PTPRM: variants seen among roughly 807,000 people sequenced by gnomAD.
PTPRM encodes the protein receptor-type tyrosine-protein phosphatase mu.
Under a neutral mutation model 186.7 loss-of-function variants are expected in PTPRM, and 47 were observed. The ratio of observed to expected loss-of-function variants is 0.25; its 90% CI spans 0.20 to 0.32. PTPRM has a LOEUF of 0.32. PTPRM is among the 10% of genes least tolerant of loss of function. The pLI is 1.00. For synonymous variants in PTPRM, 668 were observed against 674.9 expected (o/e 0.99, Z 0.16); for missense variants, 1,494 against 1,865.0 (o/e 0.80, Z 3.66).
chr18:8,147,257 A>G (rs925610917), intron 14 of PTPRM, among the ~76,000 whole-genome samples: 15 of 152,278 alleles, frequency 9.9e-5, no homozygotes, highest in Admixed American at 9.2e-4. Context: ...CATTTTCACA[A>G]TCTTAATTCT....
At chr18:8,117,638 G>A (rs1157286787) in intron 13 of PTPRM, among the ~76,000 whole-genome samples, 4 of 152,076 alleles carry the variant, frequency 2.6e-5, no homozygotes, top group Admixed American at 6.6e-5. Context: ...CTCCATACGT[G>A]TGGGGGATTG....
In PTPRM at chr18:8,394,506, C is replaced by T. The variant is rs377577785; in HGVS notation, c.4239C>T (p.Cys1413=). 5.6e-6 allele frequency: 9 copies of T among 1,613,170 alleles called. No individual in the cohort carries two copies. The highest frequency in any genetic ancestry group is 2.2e-5 in the East Asian group (1 of 44,832). ...GGGGAGGCCGCAGTGGGACGTTCTG[C>T]GCCATCAGCATCGTATGTGAGATGC... ...LNGGGRSGTF[C]AISIVCEMLR... is the part of the protein sequence containing the mutation. Residue 1413 remains cysteine (C), a synonymous_variant, in exon 32 of 33, where the codon TGC becomes TGT. Transcript: ENST00000580170.
At chr18:8,118,003 C>G (rs183779889) in intron 13 of PTPRM, among the ~76,000 whole-genome samples, 14 of 152,006 alleles carry the variant, frequency 9.2e-5, no homozygotes, top group Non-Finnish European at 1.8e-4. Context: ...CCATGGTGGT[C>G]TCATGGTAAC....
chr18:8,362,882 T>C (rs925367666), intron 23 of PTPRM, among the ~76,000 whole-genome samples: 3 of 152,210 alleles, frequency 2.0e-5, no homozygotes, highest in Non-Finnish European at 4.4e-5. Flanking sequence ...ACACAGCTAA[T>C]AAATGGGACC....
At chr18:7,595,825 G>T (rs571573673) in intron 1 of PTPRM, among the ~76,000 whole-genome samples, 1 of 152,104 alleles carries the variant, frequency 6.6e-6, no homozygotes, top group African/African-American at 2.4e-5. Flanking sequence ...GCCATTTGAG[G>T]CTTGCCTGTC....
At chr18:7,952,409 G>C (rs2053025513) in intron 6 of PTPRM, among the ~76,000 whole-genome samples, 1 of 152,184 alleles carries the variant, frequency 6.6e-6, no homozygotes, top group Non-Finnish European at 1.5e-5. Context: ...TGTTGAAAAT[G>C]CAAATGTGGC....
intron 3 of PTPRM, among the ~76,000 whole-genome samples, chr18:7,902,326 A>T (rs532492405): frequency 1.3e-5 from 2 of 152,280 alleles, no homozygotes; most frequent in African/African-American, 4.8e-5. Flanking sequence ...GGCCTTGCTG[A>T]CAAGTCATCT....
In PTPRM at chr18:8,263,999, G is replaced by T. The variant is rs541410540; in HGVS notation, c.2754+10585G>T. ...ATAGTATAGATGACAGCCTACTACT[G>T]GGGACTGGCATCTGAAGCGGGGGGT... On this transcript the variant is annotated intron_variant, in intron 19 of 32. Coordinates refer to ENST00000580170, the MANE Select transcript of PTPRM (RefSeq NM_001105244.2). Among the ~76,000 whole-genome samples, 9 of 152,292 alleles carry T rather than the reference G, an allele frequency of 5.9e-5. No individual in the cohort carries two copies. The South Asian group carries it at 1.9e-3, about 32-fold the overall frequency.
At chr18:7,772,254 C>CTTTTCTTTTCTT (rs1555673225) in intron 1 of PTPRM, among the ~76,000 whole-genome samples, 2 of 129,450 alleles carry the variant, frequency 1.5e-5, no homozygotes, top group African/African-American at 5.2e-5. Context: ...TTTTTCTTTT[C>CTTTTCTTTTCTT]TTTTCTTTTC....
chr18:7,695,270 T>C (rs1019871049), intron 1 of PTPRM, among the ~76,000 whole-genome samples: 6 of 152,186 alleles, frequency 3.9e-5, no homozygotes, highest in African/African-American at 1.4e-4. Flanking sequence ...AAATGTATGC[T>C]TTAGATGTAA....
intron 14 of PTPRM, among the ~76,000 whole-genome samples, chr18:8,209,387 G>A (rs2093972617): frequency 6.6e-6 from 1 of 151,938 alleles, no homozygotes; most frequent in Admixed American, 6.5e-5. Context: ...AGATTGAAGT[G>A]TCAAGAAAAA....
intron 22 of PTPRM, among the ~76,000 whole-genome samples, chr18:8,328,694 G>GT (rs554808414): frequency 1.8e-4 from 27 of 152,306 alleles, no homozygotes; most frequent in African/African-American, 6.5e-4. Context: ...AGTCACTGTC[G>GT]TAAGTATTCC....
intron 5 of PTPRM, among the ~76,000 whole-genome samples, chr18:7,940,109 C>T (rs2146948287): frequency 6.6e-6 from 1 of 152,242 alleles, no homozygotes; most frequent in East Asian, 1.9e-4. Context: ...CATCACTCCC[C>T]ACACTTCACT....
intron 2 of PTPRM, among the ~76,000 whole-genome samples, chr18:7,879,066 A>G (rs2048373654): frequency 6.6e-6 from 1 of 152,222 alleles, no homozygotes; most frequent in African/African-American, 2.4e-5. Flanking sequence ...CAAAGCTCAC[A>G]CCTAGTATTT....
intron 14 of PTPRM, among the ~76,000 whole-genome samples, chr18:8,186,384 C>T (rs950052811): frequency 2.0e-5 from 3 of 151,978 alleles, no homozygotes; most frequent in Non-Finnish European, 4.4e-5. Context: ...GCTGAATCAC[C>T]CCATCTTGAT....
chr18:8,201,650 G>T (rs2093859030), intron 14 of PTPRM, among the ~76,000 whole-genome samples: 1 of 152,162 alleles, frequency 6.6e-6, no homozygotes, highest in Non-Finnish European at 1.5e-5. Context: ...TCTCTCCCTG[G>T]TGTGTGGATG....
intron 1 of PTPRM, among the ~76,000 whole-genome samples, chr18:7,701,109 C>A (rs1205834570): frequency 6.7e-6 from 1 of 150,244 alleles, no homozygotes; most frequent in Admixed American, 6.6e-5. Context: ...TTCGAGACCA[C>A]CCTGGACAAC....
chr18:7,966,648 C>T (rs896367723), intron 7 of PTPRM, among the ~76,000 whole-genome samples: 8 of 148,460 alleles, frequency 5.4e-5, no homozygotes, highest in African/African-American at 1.2e-4. Flanking sequence ...ACCTGGGAAG[C>T]GCAAGGGGTC....
chr18:7,671,182 C>A (rs1374538163), intron 1 of PTPRM, among the ~76,000 whole-genome samples: 1 of 152,148 alleles, frequency 6.6e-6, no homozygotes, highest in Non-Finnish European at 1.5e-5. Context: ...TTCCCCACCC[C>A]CGATTCAGAG....
Sources: gnomAD v4.1 joint callset for allele counts (sites outside exome capture counted in the v4.1 genomes callset) on GRCh38, gnomAD v4.1.1 for gene constraint, MANE v1.5 for transcripts, NCBI Gene and HGNC (gene_info 2026-07-23, HGNC 2026-07-21) for gene names.